The following GALNT7 variants were observed in gnomAD, a reference collection of about 807,000 sequenced individuals.
GALNT7 encodes polypeptide N-acetylgalactosaminyltransferase 7.
GALNT7 carries 60 observed loss-of-function variants against 82.1 expected under a neutral mutation model. That is an observed-to-expected ratio of 0.73 (90% CI 0.59 to 0.91). GALNT7 has a LOEUF of 0.91. Ranked by LOEUF, GALNT7 falls within the 40% of genes least tolerant of loss-of-function variation. The pLI is 0.00. For missense variants in GALNT7, 660 were observed against 804.2 expected, an observed-to-expected ratio of 0.82 and a Z score of 2.17; for synonymous variants, 243 against 275.1, an observed-to-expected ratio of 0.88 and a Z score of 1.15.
At chr4:173,242,170 C>T (rs1192914804) in intron 1 of GALNT7, among the ~76,000 whole-genome samples, 1 of 151,870 alleles carries the variant, frequency 6.6e-6, no homozygotes, top group African/African-American at 2.4e-5. Flanking sequence ...ATTTTGTTAC[C>T]CTTTGGTTTA....
intron 7 of GALNT7, 64 bp from the exon 8 acceptor site, chr4:173,303,932 A>C (rs1295927596): frequency 2.2e-6 from 3 of 1,380,432 alleles, no homozygotes; most frequent in Non-Finnish European, 3.0e-6. Flanking sequence ...TTACAAGATA[A>C]ATTTTCAGTT....
At chr4:173,232,436 C>T (rs1734060015) in intron 1 of GALNT7, among the ~76,000 whole-genome samples, 1 of 144,130 alleles carries the variant, frequency 6.9e-6, no homozygotes, top group Non-Finnish European at 1.5e-5. Context: ...TTACCTTGAA[C>T]TTTTTTTTTT....
chr4:173,203,253 C>G (rs2126656962), intron 1 of GALNT7, among the ~76,000 whole-genome samples: 1 of 152,244 alleles, frequency 6.6e-6, no homozygotes, highest in Admixed American at 6.5e-5. Context: ...GCCACCACGC[C>G]CAGCTAATTT....
chr4:173,256,148 T>C (rs1311103343), intron 2 of GALNT7, among the ~76,000 whole-genome samples: 5 of 152,186 alleles, frequency 3.3e-5, no homozygotes, highest in African/African-American at 9.7e-5. Context: ...TGTTTTTATT[T>C]AGTGAAAGAA....
intron 1 of GALNT7, among the ~76,000 whole-genome samples, chr4:173,185,072 A>G (rs761202415): frequency 1.7e-4 from 26 of 152,258 alleles, no homozygotes; most frequent in Non-Finnish European, 3.5e-4. Context: ...TTACATGTGT[A>G]CGTTAAAAAA....
At chr4:173,265,332 A>AGAGCCAGCT (rs1735442826) in intron 2 of GALNT7, among the ~76,000 whole-genome samples, 1 of 152,198 alleles carries the variant, frequency 6.6e-6, no homozygotes, top group African/African-American at 2.4e-5. Context: ...TGACCTTTCC[A>AGAGCCAGCT]GAGCCAGCTA....
At chr4:173,303,301 A>C (rs1737024240) in intron 7 of GALNT7, among the ~76,000 whole-genome samples, 1 of 152,112 alleles carries the variant, frequency 6.6e-6, no homozygotes, top group Admixed American at 6.5e-5. Context: ...TGGGAGGGGG[A>C]CTTCTAAGCA....
At chr4:173,284,576 C>T (rs1736245380) in intron 2 of GALNT7, among the ~76,000 whole-genome samples, 1 of 152,084 alleles carries the variant, frequency 6.6e-6, no homozygotes, top group Non-Finnish European at 1.5e-5. Context: ...CACCCAAAAG[C>T]AAGGGGCCAG....
intron 1 of GALNT7, among the ~76,000 whole-genome samples, chr4:173,181,644 G>A (rs1047260804): frequency 6.6e-6 from 1 of 152,192 alleles, no homozygotes; most frequent in Non-Finnish European, 1.5e-5. Context: ...AAGCACAGTT[G>A]TTAACTTTGA....
rs1252787763 is a variant in GALNT7, at chr4:173,270,050, A to G, written c.587+21610A>G. ...TGCATATTTCTAGAACCTGAAAAAT[A>G]TAAAAAGATAATCAAGTGTACTTGG... On this transcript the variant is annotated intron_variant, in intron 2 of 11. Transcript: ENST00000265000. Among the ~76,000 whole-genome samples the G allele has an allele frequency of 3.3e-5, 5 of 152,370 alleles. No individual in the cohort carries two copies. In the South Asian group the frequency reaches 1.0e-3, roughly 32 times the overall value.
chr4:173,321,343 G>A (rs945936735), intron 11 of GALNT7, among the ~76,000 whole-genome samples: 1 of 152,154 alleles, frequency 6.6e-6, no homozygotes, highest in African/African-American at 2.4e-5. Flanking sequence ...TATACATTGA[G>A]TGTGAGATAC....
At chr4:173,203,250 C>T (rs1351575151) in intron 1 of GALNT7, among the ~76,000 whole-genome samples, 4 of 152,104 alleles carry the variant, frequency 2.6e-5, no homozygotes, top group Admixed American at 6.5e-5. Flanking sequence ...CCCGCCACCA[C>T]GCCCAGCTAA....
chr4:173,217,247 C>G (rs1345651140), intron 1 of GALNT7, among the ~76,000 whole-genome samples: 1 of 152,096 alleles, frequency 6.6e-6, no homozygotes, highest in African/African-American at 2.4e-5. Context: ...GTTTTGTTAG[C>G]TGCACAGTCA....
intron 1 of GALNT7, among the ~76,000 whole-genome samples, chr4:173,221,145 A>C (rs1030633765): frequency 1.3e-5 from 2 of 151,878 alleles, no homozygotes; most frequent in African/African-American, 4.8e-5. Context: ...CTATTTCTCC[A>C]CATCCTCTCC....
chr4:173,260,933 C>T lies in GALNT7; in HGVS notation c.587+12493C>T, dbSNP rs191458640. On this transcript the variant is annotated intron_variant, in intron 2 of 11. Coordinates refer to ENST00000265000, the MANE Select transcript of GALNT7 (RefSeq NM_017423.3). ...TCATAGTGGTGGTGAATTTAATCAA[C>T]GAGTAAACGTTTACGAAGCGAAAAT... Among the ~76,000 whole-genome samples, 562 of 152,238 alleles carry T rather than the reference C, an allele frequency of 3.7e-3. 4 individuals carry two copies. The highest frequency in any genetic ancestry group is 0.013 in the African/African-American group (539 of 41,532).
chr4:173,189,506 T>C (rs72993773), intron 1 of GALNT7, among the ~76,000 whole-genome samples: 9,181 of 152,278 alleles, frequency 0.06, 783 homozygotes, highest in African/African-American at 0.19. Flanking sequence ...AATATCAAAA[T>C]AGTTCCTCCA....
At chr4:173,258,265 G>A (rs1216679632) in intron 2 of GALNT7, among the ~76,000 whole-genome samples, 2 of 152,188 alleles carry the variant, frequency 1.3e-5, no homozygotes, top group South Asian at 4.1e-4. Flanking sequence ...TGGCTCCAGG[G>A]TCATATGCCA....
At chr4:173,290,869 C>T (rs1398241621) in intron 2 of GALNT7, among the ~76,000 whole-genome samples, 1 of 152,170 alleles carries the variant, frequency 6.6e-6, no homozygotes, top group Admixed American at 6.5e-5. Context: ...GCTCTGTTGT[C>T]CCCTGTCCTC....
intron 1 of GALNT7, among the ~76,000 whole-genome samples, chr4:173,201,300 G>T (rs975333808): frequency 6.6e-6 from 1 of 152,034 alleles, no homozygotes; most frequent in East Asian, 1.9e-4. Context: ...ATAAGTTGTG[G>T]TTATTAAATT....
Sources: allele counts gnomAD v4.1 joint callset (sites outside exome capture counted in the v4.1 genomes callset), GRCh38; gene constraint gnomAD v4.1.1; transcripts MANE v1.5; gene names NCBI Gene and HGNC (gene_info 2026-07-23, HGNC 2026-07-21).